Variants in KDM5A observed in about 807,000 individuals in gnomAD.
The protein encoded by KDM5A is lysine-specific demethylase 5A.
A neutral mutation model predicts 193.5 loss-of-function variants in KDM5A; 42 were observed. The observed-to-expected ratio is 0.22, with a 90% confidence interval of 0.17 to 0.28. KDM5A has a LOEUF of 0.28. KDM5A is among the 10% of genes least tolerant of loss of function. The pLI is 1.00. For missense variants in KDM5A, 1,692 were observed against 2,055.1 expected, an observed-to-expected ratio of 0.82 and a Z score of 3.42; for synonymous variants, 796 against 718.1, an observed-to-expected ratio of 1.11 and a Z score of -1.73.
intron 18 of KDM5A, 29 bp downstream of exon 18, chr12:320,966 T>A: frequency 7.0e-7 from 1 of 1,431,748 alleles, no homozygotes; most frequent in Non-Finnish European, 9.9e-7. Flanking sequence ...ACAAAGGACA[T>A]TACCCAAAAA....
intron 3 of KDM5A, among the ~76,000 whole-genome samples, chr12:382,081 G>A (rs1476751925): frequency 2.0e-5 from 3 of 152,164 alleles, no homozygotes; most frequent in Admixed American, 2.0e-4. Flanking sequence ...AAAGTGCTGG[G>A]ATTATAGGTA....
intron 19 of KDM5A, among the ~76,000 whole-genome samples, chr12:316,621 C>A (rs1358453337): frequency 6.6e-6 from 1 of 152,174 alleles, no homozygotes. Context: ...CCACGTTTAT[C>A]AAAATCATAG....
intron 5 of KDM5A, among the ~76,000 whole-genome samples, chr12:360,949 C>G (rs1158151106): frequency 1.3e-5 from 2 of 152,128 alleles, no homozygotes; most frequent in Admixed American, 6.5e-5. Context: ...CAGAGATAGA[C>G]AAAGACTAAG....
chr12:366,529 A>G (rs1944358795), intron 3 of KDM5A, among the ~76,000 whole-genome samples: 1 of 152,152 alleles, frequency 6.6e-6, no homozygotes, highest in African/African-American at 2.4e-5. Flanking sequence ...AGTAACTTAC[A>G]GAACTTAACA....
intron 5 of KDM5A, 50 bp from the exon 6 acceptor site, chr12:356,587 T>G (rs749674097): frequency 1.5e-5 from 17 of 1,167,222 alleles, no homozygotes; most frequent in Non-Finnish European, 2.2e-5. Context: ...GATTCATGCA[T>G]TAATTTTTTT....
At chr12:342,849 C>T (rs1294210046) in intron 10 of KDM5A, among the ~76,000 whole-genome samples, 1 of 151,236 alleles carries the variant, frequency 6.6e-6, no homozygotes, top group Admixed American at 6.6e-5. Flanking sequence ...CCTACAGCTT[C>T]CAGCGTGCTC....
intron 9 of KDM5A, among the ~76,000 whole-genome samples, 156 bp from the exon 10 acceptor site, chr12:350,935 A>G (rs778150126): frequency 2.0e-4 from 30 of 152,330 alleles, no homozygotes; most frequent in Non-Finnish European, 3.7e-4. Context: ...GCTTTTTCCA[A>G]TGAGAACAGG....
intron 5 of KDM5A, among the ~76,000 whole-genome samples, chr12:360,214 C>T (rs559603324): frequency 2.6e-5 from 4 of 152,018 alleles, no homozygotes; most frequent in Admixed American, 6.6e-5. Context: ...GCAGAGGTCA[C>T]AGTGAGCCAA....
chr12:383,280 T>C (rs1487041898), intron 3 of KDM5A, among the ~76,000 whole-genome samples: 2 of 151,812 alleles, frequency 1.3e-5, no homozygotes, highest in Non-Finnish European at 2.9e-5. Flanking sequence ...AGTGGCGCAA[T>C]CACAGCTCAC....
chr12:299,452 T>G (rs1311611371), intron 24 of KDM5A, among the ~76,000 whole-genome samples: 1 of 152,160 alleles, frequency 6.6e-6, no homozygotes, highest in African/African-American at 2.4e-5. Flanking sequence ...AAACTAAGCT[T>G]CGTAAGTGAA....
chr12:359,218 T>C (rs1188704204), intron 5 of KDM5A, among the ~76,000 whole-genome samples: 1 of 152,160 alleles, frequency 6.6e-6, no homozygotes, highest in Non-Finnish European at 1.5e-5. Flanking sequence ...GTCATCACTT[T>C]TTAAAAATTT....
intron 24 of KDM5A, among the ~76,000 whole-genome samples, chr12:304,998 C>G (rs1943487521): frequency 1.3e-5 from 2 of 152,194 alleles, no homozygotes; most frequent in Non-Finnish European, 2.9e-5. Flanking sequence ...ACTTCGTAAA[C>G]AAAGATAGTC....
chr12:353,019 GCA>G (rs1160257398), intron 8 of KDM5A, among the ~76,000 whole-genome samples: 2 of 152,102 alleles, frequency 1.3e-5, no homozygotes, highest in African/African-American at 2.4e-5. Flanking sequence ...GAAAAATTTA[GCA>G]CAGTCAAGTA....
intron 5 of KDM5A, among the ~76,000 whole-genome samples, chr12:362,664 A>T (rs1231132358): frequency 6.6e-6 from 1 of 152,220 alleles, no homozygotes; most frequent in Non-Finnish European, 1.5e-5. Context: ...ATTACGCCAC[A>T]TTTCACAATT....
In KDM5A at chr12:285,224, G is replaced by A. The variant is rs1190459265; in HGVS notation, c.*232C>T. On this transcript the variant is annotated 3_prime_UTR_variant, in exon 28 of 28. Transcript: ENST00000399788. ...AATGCAGTAAACCACACTCAAAGGA[G>A]ACATGAAATATTGGCTGTTGTACCA... is the stretch of plus-strand genomic sequence containing the variant. The A allele has an allele frequency of 5.2e-6, 3 of 581,950 alleles. No homozygotes were observed. Among genetic ancestry groups the A allele is most frequent in the Admixed American group, 6.0e-5 (2 of 33,360 alleles). 36.0% of individuals were successfully genotyped at this position (581,950 alleles called of 1,614,324 possible). A position where few individuals can be genotyped will look rare whatever the true frequency, so the allele number is the denominator to read the frequency against.
At chr12:326,240 C>T (rs1166824275) in intron 14 of KDM5A, among the ~76,000 whole-genome samples, 2 of 152,150 alleles carry the variant, frequency 1.3e-5, no homozygotes, top group Non-Finnish European at 2.9e-5. Context: ...CTGGACACAG[C>T]CTCTTTCACA....
chr12:311,865 C>T (rs1046800115), intron 20 of KDM5A, among the ~76,000 whole-genome samples: 3 of 152,166 alleles, frequency 2.0e-5, no homozygotes, highest in African/African-American at 7.2e-5. Flanking sequence ...GAAACTCCGG[C>T]TCTACCAAAA....
chr12:338,915 C>G (rs535070273), intron 10 of KDM5A, among the ~76,000 whole-genome samples: 1 of 152,288 alleles, frequency 6.6e-6, no homozygotes, highest in South Asian at 2.1e-4. Context: ...CGCAGTGGCT[C>G]ACACCTATAA....
At chr12:356,581 C>A (rs1468492940) in intron 5 of KDM5A, 44 bp from the exon 6 acceptor site, 1 of 1,226,894 alleles carries the variant, frequency 8.2e-7, no homozygotes, top group Admixed American at 1.7e-5. Context: ...CATGCTGATT[C>A]ATGCATTAAT....
Sources: gnomAD v4.1 joint callset for allele counts (sites outside exome capture counted in the v4.1 genomes callset) on GRCh38, gnomAD v4.1.1 for gene constraint, MANE v1.5 for transcripts, NCBI Gene and HGNC (gene_info 2026-07-23, HGNC 2026-07-21) for gene names.